SLC44A1: variants seen among roughly 807,000 people sequenced by gnomAD.
SLC44A1 encodes solute carrier family 44 member 1, also known as choline transporter-like protein 1.
Under a neutral mutation model 79.3 loss-of-function variants are expected in SLC44A1, and 26 were observed. That is an observed-to-expected ratio of 0.33 (90% CI 0.24 to 0.46). SLC44A1 has a LOEUF of 0.46. Among genes scored for constraint, SLC44A1 ranks in the 20% least tolerant of loss-of-function variants. SLC44A1 has a pLI of 1.00. For synonymous variants in SLC44A1, 263 were observed against 286.2 expected (o/e 0.92, Z 0.82); for missense variants, 688 against 798.1 (o/e 0.86, Z 1.66).
Position 105,391,507 on chromosome 9 carries a change from G to T in SLC44A1, c.*2451G>T. On this transcript the variant is annotated 3_prime_UTR_variant, in exon 16 of 16. Transcript: ENST00000374720. Reference sequence around the variant, plus strand: ...AAATTCATGTGCCGTGTAGAAATATGCAGATATGCATTACACAGGCACACA... The same window carrying T: ...AAATTCATGTGCCGTGTAGAAATATTCAGATATGCATTACACAGGCACACA... 3 of 985,536 alleles carry T rather than the reference G, an allele frequency of 3.0e-6. No homozygotes were observed. The highest frequency in any genetic ancestry group is 3.6e-6 in the Non-Finnish European group (3 of 829,820). 61.0% of individuals were successfully genotyped at this position (985,536 alleles called of 1,614,324 possible).
intron 13 of SLC44A1, among the ~76,000 whole-genome samples, chr9:105,380,625 C>T (rs1044324539): frequency 2.0e-5 from 3 of 151,882 alleles, no homozygotes; most frequent in African/African-American, 7.3e-5. Context: ...TAATATATGT[C>T]TTATAAAGCA....
chr9:105,337,603 A>G (rs1826963276), intron 4 of SLC44A1, among the ~76,000 whole-genome samples: 1 of 152,202 alleles, frequency 6.6e-6, no homozygotes, highest in Admixed American at 6.5e-5. Context: ...TTGCTCGGAA[A>G]TCATCCATAG....
At chr9:105,375,155 C>T (rs764121165) in intron 13 of SLC44A1, among the ~76,000 whole-genome samples, 25 of 152,344 alleles carry the variant, frequency 1.6e-4, no homozygotes, top group Admixed American at 1.0e-3. Context: ...AATTCTCCCG[C>T]TTCAGCCTCC....
chr9:105,254,765 A>G (rs919010060), intron 1 of SLC44A1, among the ~76,000 whole-genome samples: 3 of 152,212 alleles, frequency 2.0e-5, no homozygotes, highest in African/African-American at 7.2e-5. Flanking sequence ...CTTCAGATGA[A>G]GAAGAGCATT....
At chr9:105,405,403 A>G (rs1046695636) in intron 15 of SLC44A1, among the ~76,000 whole-genome samples, 2 of 151,794 alleles carry the variant, frequency 1.3e-5, no homozygotes, top group Admixed American at 6.6e-5. Flanking sequence ...TTCCACAAAA[A>G]CGATGATCAA....
intron 2 of SLC44A1, among the ~76,000 whole-genome samples, chr9:105,309,339 A>G (rs1831114448): frequency 6.6e-6 from 1 of 152,214 alleles, no homozygotes; most frequent in Non-Finnish European, 1.5e-5. Context: ...CTTGTTTAAC[A>G]TCTCTACGCC....
At chr9:105,343,368 C>T (rs1485771255) in intron 4 of SLC44A1, among the ~76,000 whole-genome samples, 1 of 152,146 alleles carries the variant, frequency 6.6e-6, no homozygotes, top group African/African-American at 2.4e-5. Flanking sequence ...AAAACTTTAA[C>T]AGATTATGTG....
chr9:105,410,805 T>A (rs1235067980), intron 15 of SLC44A1, among the ~76,000 whole-genome samples: 1 of 152,170 alleles, frequency 6.6e-6, no homozygotes, highest in Non-Finnish European at 1.5e-5. Context: ...AGCTGATGAA[T>A]GATAAGCAAA....
chr9:105,319,310 A>G (rs1826309689), intron 3 of SLC44A1, among the ~76,000 whole-genome samples: 1 of 152,156 alleles, frequency 6.6e-6, no homozygotes, highest in Admixed American at 6.5e-5. Flanking sequence ...TTAGGAAAGG[A>G]TATAGAGTAA....
Position 105,393,473 on chromosome 9 carries a change from G to T in SLC44A1, c.*4417G>T, listed in dbSNP as rs1017435811. 2 of 973,198 alleles carry T rather than the reference G, an allele frequency of 2.1e-6. No individual in the cohort carries two copies. Among genetic ancestry groups the T allele is most frequent in the Non-Finnish European group, 1.2e-6 (1 of 818,996 alleles). 60.3% of individuals were successfully genotyped at this position (973,198 alleles called of 1,614,324 possible). A position where few individuals can be genotyped will look rare whatever the true frequency, so the allele number is the denominator to read the frequency against. The stretch of plus-strand genomic sequence containing the variant: ...TTTTCCATTCAGATTTCATACATTT[G>T]AGCCAAATTCTTATACTCCATGTTT... On this transcript the variant is annotated 3_prime_UTR_variant, in exon 16 of 16. Coordinates refer to ENST00000374720, the MANE Select transcript of SLC44A1 (RefSeq NM_080546.5).
intron 1 of SLC44A1, among the ~76,000 whole-genome samples, chr9:105,272,598 A>G (rs7854282): frequency 0.041 from 6,286 of 151,986 alleles, 433 homozygotes; most frequent in African/African-American, 0.14. Context: ...TTCTCTTTAC[A>G]GGTGAAAAAG....
At chr9:105,257,599 A>G (rs1011738338) in intron 1 of SLC44A1, among the ~76,000 whole-genome samples, 1 of 152,214 alleles carries the variant, frequency 6.6e-6, no homozygotes, top group African/African-American at 2.4e-5. Flanking sequence ...TAGAGGCTAA[A>G]TTGGGTGGCA....
At chr9:105,388,368 T>G (rs900933580) in intron 15 of SLC44A1, among the ~76,000 whole-genome samples, 1 of 152,192 alleles carries the variant, frequency 6.6e-6, no homozygotes, top group South Asian at 2.1e-4. Context: ...CTTGATATAA[T>G]TCACATATTG....
chr9:105,312,562 A>T (rs1387860135), intron 3 of SLC44A1, among the ~76,000 whole-genome samples: 2 of 152,210 alleles, frequency 1.3e-5, no homozygotes, highest in Non-Finnish European at 2.9e-5. Context: ...TAAATTAGTG[A>T]GTCTGAGGAT....
intron 5 of SLC44A1, among the ~76,000 whole-genome samples, chr9:105,353,552 C>T (rs1440387074): frequency 6.6e-6 from 1 of 152,072 alleles, no homozygotes; most frequent in Non-Finnish European, 1.5e-5. Context: ...GTGCTTACTC[C>T]TACTCTTTCA....
chr9:105,395,923 AT>A lies in SLC44A1; in HGVS notation c.*6869del. On this transcript the variant is annotated 3_prime_UTR_variant, in exon 16 of 16. Transcript: ENST00000374720. ...CTTTTTTTTTTTTTTTGTAAATTGT[AT>A]TAGATACCCCACAGGAATGTGACAA... 1.0e-6 allele frequency: 1 copy of A among 971,386 alleles called. No homozygotes were observed. Among genetic ancestry groups the A allele is most frequent in the African/African-American group, 1.9e-5 (1 of 53,454 alleles). The allele number at this position is 971,386 out of a possible 1,614,324, so 60.2% of individuals were successfully genotyped here. A position where few individuals can be genotyped will look rare whatever the true frequency, so the allele number is the denominator to read the frequency against.
intron 1 of SLC44A1, among the ~76,000 whole-genome samples, chr9:105,289,563 G>A (rs1351523970): frequency 1.3e-5 from 2 of 152,144 alleles, no homozygotes; most frequent in Non-Finnish European, 2.9e-5. Flanking sequence ...TTCACCTTAC[G>A]GGTTCCTCTG....
rs1221870855 is a variant in SLC44A1, at chr9:105,392,397, CTCTCTCTTTTT to C, written c.*3343_*3353del. On this transcript the variant is annotated 3_prime_UTR_variant, in exon 16 of 16. Coordinates refer to ENST00000374720, the MANE Select transcript of SLC44A1 (RefSeq NM_080546.5). ...TCTTTTGTAGAGATGCTCTCTCTCT[CTCTCTCTTTTT>C]TTTTTTTTTTTTTTTTTTTTTTCCG... is the stretch of plus-strand genomic sequence containing the variant. 140 of 874,358 alleles carry C rather than the reference CTCTCTCTTTTT, an allele frequency of 1.6e-4. No individual in the cohort carries two copies. The highest frequency in any genetic ancestry group is 4.8e-4 in the East Asian group (3 of 6,256). 54.2% of individuals were successfully genotyped at this position (874,358 alleles called of 1,614,324 possible).
intron 1 of SLC44A1, among the ~76,000 whole-genome samples, chr9:105,259,283 T>C (rs1829786987): frequency 6.6e-6 from 1 of 152,234 alleles, no homozygotes; most frequent in South Asian, 2.1e-4. Context: ...AAATACACTT[T>C]TAAATAAGTA....
Sources: allele counts gnomAD v4.1 joint callset (sites outside exome capture counted in the v4.1 genomes callset), GRCh38; gene constraint gnomAD v4.1.1; transcripts MANE v1.5; gene names NCBI Gene and HGNC (gene_info 2026-07-23, HGNC 2026-07-21).